ZNF426: variants seen among roughly 807,000 people sequenced by gnomAD.
The protein encoded by ZNF426 is CTC-543D15.7.
A neutral mutation model predicts 24.0 loss-of-function variants in ZNF426; 23 were observed. The observed-to-expected ratio is 0.96, with a 90% CI of 0.69 to 1.36. The LOEUF is 1.36. ZNF426 is among the 40% of genes most tolerant of loss of function. The pLI is 0.00. For synonymous variants in ZNF426, 272 were observed against 224.6 expected (o/e 1.21, Z -1.89); for missense variants, 646 against 658.4 (o/e 0.98, Z 0.21).
chr19:9,529,824 T>C (rs956426719), intron 7 of ZNF426, among the ~76,000 whole-genome samples, 188 bp from the exon 8 acceptor site: 1 of 152,110 alleles, frequency 6.6e-6, no homozygotes, highest in Non-Finnish European at 1.5e-5. Flanking sequence ...TGTTGTGCCA[T>C]CTACTTTAAT....
At chr19:9,530,050 G>A (rs183380792) in intron 7 of ZNF426, among the ~76,000 whole-genome samples, 15 of 152,242 alleles carry the variant, frequency 9.9e-5, no homozygotes, top group African/African-American at 3.6e-4. Context: ...GAACCTGGGA[G>A]GCGGAGGTTG....
rs571741792 is a variant in ZNF426 at position 9,535,868 on chromosome 19, A to G, written c.25+340T>C. ...AAAAAAAGAAAAGAAAGAAAATGCA[A>G]ACATACAACCTACTACCATACAATG... On this transcript the variant is annotated intron_variant, in intron 3 of 7. Coordinates refer to ENST00000253115, the MANE Select transcript of ZNF426 (RefSeq NM_024106.3). 9.2e-5 allele frequency among the ~76,000 whole-genome samples: 14 copies of G among 152,132 alleles called. No homozygotes were observed. The South Asian group carries it at 2.7e-3, about 29-fold the overall frequency.
At chr19:9,531,096 G>A in intron 6 of ZNF426, 29 bp from the exon 7 acceptor site, 1 of 1,584,224 alleles carries the variant, frequency 6.3e-7, no homozygotes, top group Non-Finnish European at 8.7e-7. Flanking sequence ...ACAAATAAAA[G>A]GACTCAAGCT....
At chr19:9,531,970 G>A (rs1310821300) in intron 6 of ZNF426, among the ~76,000 whole-genome samples, 1 of 152,156 alleles carries the variant, frequency 6.6e-6, no homozygotes, top group South Asian at 2.1e-4. Flanking sequence ...GGGCGACAGA[G>A]CAAGACTCCA....
intron 6 of ZNF426, among the ~76,000 whole-genome samples, chr19:9,531,544 G>A (rs1156283903): frequency 6.6e-6 from 1 of 152,188 alleles, no homozygotes; most frequent in Non-Finnish European, 1.5e-5. Flanking sequence ...ATGATCCAAA[G>A]GGGGAAAAAT....
rs1317254307 is a variant in ZNF426 at position 9,538,339 on chromosome 19, T to G, written c.-205A>C. 6.6e-6 allele frequency: 1 copy of G among 152,124 alleles called. No individual in the cohort carries two copies. Among genetic ancestry groups the G allele is most frequent in the Non-Finnish European group, 1.5e-5 (1 of 68,024 alleles). The allele number at this position is 152,124 out of a possible 1,614,324, so 9.4% of individuals were successfully genotyped here. On this transcript the variant is annotated 5_prime_UTR_variant, in exon 2 of 8. Coordinates refer to ENST00000253115, the MANE Select transcript of ZNF426 (RefSeq NM_024106.3). ...CAACGCGGATGCAAAAGGCAGCAAT[T>G]ATTTTCCTGCCGGAAAAAAATTCAC...
At chr19:9,533,765 T>G in intron 5 of ZNF426, 75 bp downstream of exon 5, 2 of 1,590,784 alleles carry the variant, frequency 1.3e-6, no homozygotes, top group Admixed American at 1.7e-5. Flanking sequence ...GAGTTGACAT[T>G]GCCAATGCTG....
At chr19:9,532,957 G>C (rs1248870960) in intron 5 of ZNF426, 32 bp from the exon 6 acceptor site, 3 of 1,542,316 alleles carry the variant, frequency 1.9e-6, no homozygotes, top group Non-Finnish European at 2.7e-6. Context: ...AATGGAAGAG[G>C]CTCATAAAAA....
In ZNF426 at chr19:9,528,918, G is replaced by A. The variant is rs140856109; in HGVS notation, c.1127C>T (p.Ser376Phe). 1.9e-6 allele frequency: 3 copies of A among 1,613,960 alleles called. No homozygotes were observed. Among genetic ancestry groups the A allele is most frequent in the Non-Finnish European group, 2.5e-6 (3 of 1,179,928 alleles). Residue 376 changes from serine (S) to phenylalanine (F), a missense_variant, in exon 8 of 8, where the codon TCC (serine) becomes TTC (phenylalanine). Ser to Phe is a radical substitution (Grantham distance 155). Transcript: ENST00000253115. ...TCTTATATGTTGAATAAGGCGTGAG[G>A]ATGTAAGGAAGGATTTCCCACATTC... ...CKECGKSFLT[S>F]SRLIQHIRTH...
rs752637296 is a variant in ZNF426, at chr19:9,536,189, A to G, written c.25+19T>C. 3 of 1,614,064 alleles carry G rather than the reference A, an allele frequency of 1.9e-6. No individual in the cohort carries two copies. Among genetic ancestry groups the G allele is most frequent in the African/African-American group, 1.3e-5 (1 of 74,918 alleles). On this transcript the variant is annotated intron_variant, in intron 3 of 7. Coordinates refer to ENST00000253115, the MANE Select transcript of ZNF426 (RefSeq NM_024106.3). ...GGGAACCTAGAACAGGATATCCTAA[A>G]AAGAGCAACAGAGCTTACCATGGGA...
Position 9,528,442 on chromosome 19 carries a change from G to C in ZNF426, c.1603C>G (p.Gln535Glu). 6.2e-7 allele frequency: 1 copy of C among 1,612,492 alleles called. No individual in the cohort carries two copies. Among genetic ancestry groups the C allele is most frequent in the Non-Finnish European group, 8.5e-7 (1 of 1,179,502 alleles). ...TGACTGTAAGCTTTCCCGCATTGCT[G>C]ACATTTATAGGGTTTCTCTTCTGTG... The part of the protein sequence containing the change: ...THTEEKPYKC[Q>E]QCGKAYSHPR... Residue 535 changes from glutamine to glutamate, a missense_variant, in exon 8 of 8, where the codon CAG becomes GAG. Gln to Glu is a conservative substitution (Grantham distance 29). Transcript: ENST00000253115.
At position 9,528,505 on chromosome 19, in the gene ZNF426, T is replaced by G. The variant is rs1012190313; in HGVS notation, c.1540A>C (p.Thr514Pro). 7 of 1,614,064 alleles carry G rather than the reference T, an allele frequency of 4.3e-6. No homozygotes were observed. Among genetic ancestry groups the G allele is most frequent in the Non-Finnish European group, 5.9e-6 (7 of 1,180,022 alleles). ...TGAATTCTAAAGGAACTGGAACACG[T>G]GAAGGCTTTCCCACACTCCTTGCAT... is the stretch of plus-strand genomic sequence containing the variant. ...YECKECGKAFTCSSSFRIHEK... is the reference protein window; with the variant it reads ...YECKECGKAFPCSSSFRIHEK... Residue 514 changes from threonine (T) to proline (P), a missense_variant, in exon 8 of 8, where the codon ACG becomes CCG. By Grantham distance (38) the Thr-to-Pro change is conservative (BLOSUM62 -1). Transcript: ENST00000253115.
At chr19:9,535,930 C>T (rs2073958838) in intron 3 of ZNF426, among the ~76,000 whole-genome samples, 1 of 151,950 alleles carries the variant, frequency 6.6e-6, no homozygotes, top group Non-Finnish European at 1.5e-5. Flanking sequence ...AGCTGTGCTG[C>T]CCATCAGGAA....
At chr19:9,535,864 T>C (rs733103) in intron 3 of ZNF426, among the ~76,000 whole-genome samples, 26,202 of 147,222 alleles carry the variant, frequency 0.18, 3,600 homozygotes, top group African/African-American at 0.39. Context: ...AGAAAGAAAA[T>C]GCAAACATAC....
In ZNF426 at chr19:9,528,266, G is replaced by C. The variant is rs990841317; in HGVS notation, c.*114C>G. On this transcript the variant is annotated 3_prime_UTR_variant, in exon 8 of 8. Coordinates refer to ENST00000253115, the MANE Select transcript of ZNF426 (RefSeq NM_024106.3). The stretch of plus-strand genomic sequence containing the variant: ...GCCTCTCAAAATGCTGGGATTACAG[G>C]AATTAAGTAATTTTCATGCAGCTTC... The C allele has an allele frequency of 1.9e-5, 22 of 1,151,170 alleles. No individual in the cohort carries two copies. The African/African-American group carries it at 3.3e-4, about 17-fold the overall frequency. 71.3% of individuals were successfully genotyped at this position (1,151,170 alleles called of 1,614,324 possible).
chr19:9,527,672 A>C lies in ZNF426; in HGVS notation c.*708T>G, dbSNP rs2073810644. 1 of 152,142 alleles carries C rather than the reference A, an allele frequency of 6.6e-6. No individual in the cohort carries two copies. The highest frequency in any genetic ancestry group is 6.5e-5 in the Admixed American group (1 of 15,276). 9.4% of individuals were successfully genotyped at this position (152,142 alleles called of 1,614,324 possible). On this transcript the variant is annotated 3_prime_UTR_variant, in exon 8 of 8. Transcript: ENST00000253115. ...TATTAAGGCTTTTGGACAATCTATA[A>C]ACGTTTTTGCTTATTGCTTACTGTA...
chr19:9,532,699 G>A (rs570634895), intron 6 of ZNF426, 146 bp downstream of exon 6: 46 of 595,570 alleles, frequency 7.7e-5, no homozygotes, highest in South Asian at 1.8e-4. Flanking sequence ...AAATAAAAGC[G>A]TGTGGGAAGT....
At chr19:9,530,175 G>T (rs2073861455) in intron 7 of ZNF426, among the ~76,000 whole-genome samples, 1 of 152,046 alleles carries the variant, frequency 6.6e-6, no homozygotes, top group Admixed American at 6.6e-5. Flanking sequence ...ATGTCTAGAT[G>T]GGTGCAGTAG....
At chr19:9,532,741 G>A in intron 6 of ZNF426, 104 bp downstream of exon 6, 2 of 785,496 alleles carry the variant, frequency 2.5e-6, no homozygotes, top group Non-Finnish European at 4.3e-6. Context: ...TAAACCTTGG[G>A]GTTTAGAGTG....
Sources: gnomAD v4.1 joint callset for allele counts (sites outside exome capture counted in the v4.1 genomes callset) on GRCh38, gnomAD v4.1.1 for gene constraint, MANE v1.5 for transcripts, NCBI Gene and HGNC (gene_info 2026-07-23, HGNC 2026-07-21) for gene names.